The following MARCHF1 variants were observed in gnomAD, a reference collection of about 807,000 sequenced individuals.
MARCHF1 encodes the protein E3 ubiquitin-protein ligase MARCHF1.
Under a neutral mutation model 54.2 loss-of-function variants are expected in MARCHF1, and 40 were observed. The ratio of observed to expected loss-of-function variants is 0.74; its 90% CI spans 0.57 to 0.96. The LOEUF is 0.96. Ranked by LOEUF, MARCHF1 falls within the 40% of genes least tolerant of loss-of-function variation. The pLI is 0.00. For synonymous variants in MARCHF1, 236 were observed against 236.3 expected, an observed-to-expected ratio of 1.00 and a Z score of 0.01; for missense variants, 586 against 656.5, an observed-to-expected ratio of 0.89 and a Z score of 1.17.
At chr4:163,679,891 C>T (rs949300432) in intron 5 of MARCHF1, among the ~76,000 whole-genome samples, 1 of 152,006 alleles carries the variant, frequency 6.6e-6, no homozygotes, top group Non-Finnish European at 1.5e-5. Context: ...TGAGCCACCG[C>T]GCCCGGCCTT....
Position 163,733,231 on chromosome 4 carries a change from ATATATATATACACGTG to A in MARCHF1, c.112-32384_112-32369del, listed in dbSNP as rs1362067324. On this transcript the variant is annotated intron_variant, in intron 4 of 9. Transcript: ENST00000514618. ...TATATATATATATATACACGTGTATATATATATATACACGTGTATATATATATACACACACACACAC... is the reference window on the plus strand; with the variant it reads ...TATATATATATATATACACGTGTATATATATATATATACACACACACACAC... Among the ~76,000 whole-genome samples, 37 of 73,856 alleles carry A rather than the reference ATATATATATACACGTG, an allele frequency of 5.0e-4. 1 individual carries two copies. The highest frequency in any genetic ancestry group is 1.5e-3 in the African/African-American group (34 of 22,352). 48.5% of individuals were successfully genotyped at this position (73,856 alleles called of 152,430 possible). A position where few individuals can be genotyped will look rare whatever the true frequency, so the allele number is the denominator to read the frequency against.
rs998534273 is a variant in MARCHF1 at position 163,526,853 on chromosome 4, T to C, written c.*1895A>G. 3.3e-5 allele frequency: 5 copies of C among 151,832 alleles called. No homozygotes were observed. The highest frequency in any genetic ancestry group is 7.4e-5 in the Non-Finnish European group (5 of 67,828). The allele number at this position is 151,832 out of a possible 1,614,324, so 9.4% of individuals were successfully genotyped here. A position where few individuals can be genotyped will look rare whatever the true frequency, so the allele number is the denominator to read the frequency against. On this transcript the variant is annotated 3_prime_UTR_variant, in exon 10 of 10. Transcript: ENST00000514618. ...ACACACGCCATACACACACACAAAA[T>C]TGACATTGTTTACCTTTTGTTTATT... is the stretch of plus-strand genomic sequence containing the variant.
intron 8 of MARCHF1, among the ~76,000 whole-genome samples, chr4:163,546,526 C>T (rs192063616): frequency 7.2e-5 from 11 of 152,134 alleles, no homozygotes. Context: ...CATAGTTTTA[C>T]ATTCTTGAAT....
In MARCHF1 at chr4:164,176,941, GCTCTCTCTCTCTCTCTCTCTCT is replaced by G. The variant is rs57770641; in HGVS notation, c.-322-65301_-322-65280del. Among the ~76,000 whole-genome samples the G allele has an allele frequency of 5.9e-3, 345 of 58,186 alleles. 21 individuals are homozygous for G. Among genetic ancestry groups the G allele is most frequent in the African/African-American group, 0.013 (295 of 22,632 alleles). 38.2% of individuals were successfully genotyped at this position (58,186 alleles called of 152,430 possible). A position where few individuals can be genotyped will look rare whatever the true frequency, so the allele number is the denominator to read the frequency against. ...TGTTATTTATCTGAGTACCTTGTGC[GCTCTCTCTCTCTCTCTCTCTCT>G]CTCTCTCTCTCTCTCTCTATATATA... On this transcript the variant is annotated intron_variant, in intron 1 of 9. Coordinates refer to ENST00000514618, the MANE Select transcript of MARCHF1 (RefSeq NM_001394959.1).
At chr4:163,940,956 C>T (rs1751900474) in intron 3 of MARCHF1, among the ~76,000 whole-genome samples, 1 of 152,016 alleles carries the variant, frequency 6.6e-6, no homozygotes, top group Admixed American at 6.6e-5. Context: ...TTATGTCAAG[C>T]ATTATAGTAG....
chr4:164,049,876 A>C (rs756981201), intron 2 of MARCHF1, among the ~76,000 whole-genome samples: 2 of 152,218 alleles, frequency 1.3e-5, no homozygotes, highest in Non-Finnish European at 2.9e-5. Flanking sequence ...AAATGTATAT[A>C]TCTGTCCTGG....
chr4:163,765,897 T>C (rs1289834766), intron 4 of MARCHF1, among the ~76,000 whole-genome samples: 1 of 147,752 alleles, frequency 6.8e-6, no homozygotes, highest in African/African-American at 2.5e-5. Context: ...ATATAATACA[T>C]ATAATTATAT....
At position 163,528,635 on chromosome 4, in the gene MARCHF1, G is replaced by C; in HGVS notation, c.*113C>G. 9.1e-7 allele frequency: 1 copy of C among 1,093,496 alleles called. No individual in the cohort carries two copies. Among genetic ancestry groups the C allele is most frequent in the Non-Finnish European group, 1.3e-6 (1 of 770,470 alleles). The allele number at this position is 1,093,496 out of a possible 1,614,324, so 67.7% of individuals were successfully genotyped here. ...GAACAAAGTCAGGAAAAATGTGTCAGTAGGAGAAAGGAGGAGCTGAAGGGA... is the reference window on the plus strand; with the variant it reads ...GAACAAAGTCAGGAAAAATGTGTCACTAGGAGAAAGGAGGAGCTGAAGGGA... On this transcript the variant is annotated 3_prime_UTR_variant, in exon 10 of 10. Transcript: ENST00000514618.
At chr4:163,566,533 G>A (rs985339660) in intron 8 of MARCHF1, among the ~76,000 whole-genome samples, 1 of 152,202 alleles carries the variant, frequency 6.6e-6, no homozygotes, top group Non-Finnish European at 1.5e-5. Context: ...AGAACAAAGA[G>A]AGTCTTTGTT....
intron 4 of MARCHF1, among the ~76,000 whole-genome samples, chr4:163,801,260 A>C (rs1748073939): frequency 1.3e-5 from 2 of 152,094 alleles, no homozygotes; most frequent in Non-Finnish European, 2.9e-5. Flanking sequence ...ATAAAGGATG[A>C]ATCCTAAATT....
chr4:164,296,198 A>C (rs1398710804), intron 1 of MARCHF1, among the ~76,000 whole-genome samples: 1 of 152,216 alleles, frequency 6.6e-6, no homozygotes, highest in African/African-American at 2.4e-5. Flanking sequence ...AGTGTCACCA[A>C]ATCAATCAAA....
rs181342161 is a variant in MARCHF1 at position 164,098,039 on chromosome 4, A to G, written c.-248+13549T>C. Among the ~76,000 whole-genome samples the G allele has an allele frequency of 2.6e-5, 4 of 152,190 alleles. No homozygotes were observed. In the East Asian group the frequency reaches 7.7e-4, roughly 29 times the overall value. ...TATGGGCACTAGCTTCTACCATGGG[A>G]TATCTTTATCATTAAGGTAGAAAGC... On this transcript the variant is annotated intron_variant, in intron 2 of 9. Transcript: ENST00000514618.
At chr4:163,879,058 G>A (rs1275333316) in intron 3 of MARCHF1, among the ~76,000 whole-genome samples, 1 of 152,184 alleles carries the variant, frequency 6.6e-6, no homozygotes, top group Non-Finnish European at 1.5e-5. Context: ...ATTAAATCAT[G>A]AACAGTAAAG....
intron 4 of MARCHF1, among the ~76,000 whole-genome samples, chr4:163,811,438 G>A (rs1208572295): frequency 6.6e-6 from 1 of 152,068 alleles, no homozygotes; most frequent in Non-Finnish European, 1.5e-5. Flanking sequence ...GGCAGGCTGA[G>A]AAGGGAGGAT....
intron 5 of MARCHF1, among the ~76,000 whole-genome samples, chr4:163,644,464 T>G (rs961045606): frequency 2.0e-5 from 3 of 152,158 alleles, no homozygotes; most frequent in Non-Finnish European, 4.4e-5. Flanking sequence ...AGCTATGGTC[T>G]GAGATCAGTT....
At chr4:163,596,859 A>G (rs925009434) in intron 7 of MARCHF1, among the ~76,000 whole-genome samples, 6 of 152,212 alleles carry the variant, frequency 3.9e-5, no homozygotes, top group Non-Finnish European at 5.9e-5. Flanking sequence ...TTTTGCACCA[A>G]TCTAATAAAA....
At chr4:164,149,942 T>C (rs992625646) in intron 1 of MARCHF1, among the ~76,000 whole-genome samples, 1 of 152,340 alleles carries the variant, frequency 6.6e-6, no homozygotes, top group Non-Finnish European at 1.5e-5. Flanking sequence ...AAAAGTAATC[T>C]GATTTCCTGA....
At chr4:163,731,614 T>C (rs1223982594) in intron 4 of MARCHF1, among the ~76,000 whole-genome samples, 1 of 152,144 alleles carries the variant, frequency 6.6e-6, no homozygotes, top group Non-Finnish European at 1.5e-5. Context: ...AGGGACAGTA[T>C]GGCTGAGTGA....
At chr4:164,231,475 T>G (rs902814434) in intron 1 of MARCHF1, among the ~76,000 whole-genome samples, 1 of 152,180 alleles carries the variant, frequency 6.6e-6, no homozygotes. Context: ...ACAAATCTAG[T>G]GTGTAAATTG....
Sources: gnomAD v4.1 joint callset for allele counts (sites outside exome capture counted in the v4.1 genomes callset) on GRCh38, gnomAD v4.1.1 for gene constraint, MANE v1.5 for transcripts, NCBI Gene and HGNC (gene_info 2026-07-23, HGNC 2026-07-21) for gene names.